FRMD3: variants seen among roughly 807,000 people sequenced by gnomAD.
The protein encoded by FRMD3 is FERM domain-containing protein 3.
Under a neutral mutation model 70.2 loss-of-function variants are expected in FRMD3, and 33 were observed. The ratio of observed to expected loss-of-function variants is 0.47; its 90% CI spans 0.36 to 0.63. FRMD3 has a LOEUF of 0.63. FRMD3 is among the 20% of genes least tolerant of loss of function. The probability of loss-of-function intolerance (pLI) is 0.00; values close to 1 mark genes in which losing one functional copy is unlikely to be tolerated. For missense variants in FRMD3, 632 were observed against 711.4 expected (o/e 0.89, Z 1.27); for synonymous variants, 279 against 255.9 (o/e 1.09, Z -0.86).
At chr9:83,511,119 G>T (rs115253352) in intron 1 of FRMD3, among the ~76,000 whole-genome samples, 2,061 of 152,316 alleles carry the variant, frequency 0.014, 55 homozygotes, top group African/African-American at 0.047. Flanking sequence ...TGATCTCTTT[G>T]AGAAGTTTTT....
intron 13 of FRMD3, among the ~76,000 whole-genome samples, chr9:83,273,797 A>G (rs1833700239): frequency 6.6e-6 from 1 of 152,168 alleles, no homozygotes. Context: ...GAACAAAAAT[A>G]CAAAAAAGTC....
At chr9:83,353,178 A>C (rs1824219655) in intron 3 of FRMD3, among the ~76,000 whole-genome samples, 1 of 151,724 alleles carries the variant, frequency 6.6e-6, no homozygotes, top group African/African-American at 2.4e-5. Context: ...AAGTTGGAAG[A>C]ACCACTCAGT....
intron 12 of FRMD3, among the ~76,000 whole-genome samples, chr9:83,293,200 G>A (rs756673431): frequency 6.6e-6 from 1 of 151,522 alleles, no homozygotes; most frequent in Non-Finnish European, 1.5e-5. Context: ...GGAAGGGAGG[G>A]ATAAAAATTC....
chr9:83,370,575 G>C (rs1178265954), intron 3 of FRMD3, among the ~76,000 whole-genome samples: 2 of 152,116 alleles, frequency 1.3e-5, no homozygotes, highest in African/African-American at 4.8e-5. Flanking sequence ...ATTAAGACTG[G>C]CCAGTAGTCA....
At chr9:83,319,135 A>G (rs1464074887) in intron 6 of FRMD3, among the ~76,000 whole-genome samples, 4 of 152,004 alleles carry the variant, frequency 2.6e-5, no homozygotes, top group Non-Finnish European at 2.9e-5. Context: ...GCTGTGCAGA[A>G]GCTTTTTAGT....
At chr9:83,545,600 G>A in the FRMD3 span, among the ~76,000 whole-genome samples, 1 of 151,790 alleles carries the variant, frequency 6.6e-6, no homozygotes, top group Admixed American at 6.6e-5. Flanking sequence ...CTCGTGATCT[G>A]CCCCCCTCGG....
chr9:83,488,888 TA>T (rs769268510), intron 1 of FRMD3, among the ~76,000 whole-genome samples: 1 of 152,040 alleles, frequency 6.6e-6, no homozygotes, highest in Non-Finnish European at 1.5e-5. Context: ...ATAAATTAAG[TA>T]GGCTACCAGA....
intron 1 of FRMD3, among the ~76,000 whole-genome samples, chr9:83,442,350 T>C (rs1348737706): frequency 6.7e-6 from 1 of 148,872 alleles, no homozygotes; most frequent in Non-Finnish European, 1.5e-5. Context: ...CTCCACCTCC[T>C]GGGTTCAAGC....
intron 1 of FRMD3, among the ~76,000 whole-genome samples, chr9:83,521,083 G>A (rs1829561894): frequency 6.8e-6 from 1 of 147,970 alleles, no homozygotes; most frequent in Non-Finnish European, 1.5e-5. Flanking sequence ...AGGTTGCAGT[G>A]AGCCGAGATC....
chr9:83,330,135 C>T (rs7874562), intron 6 of FRMD3, among the ~76,000 whole-genome samples: 1,861 of 152,082 alleles, frequency 0.012, 50 homozygotes, highest in African/African-American at 0.042. Context: ...GAGGCAGAGG[C>T]GGGTGGATCA....
chr9:83,581,106 TAAATAAATA>T, the FRMD3 span, among the ~76,000 whole-genome samples: 1,825 of 10,784 alleles, frequency 0.17, 29 homozygotes, highest in East Asian at 0.29. Flanking sequence ...GATGAAATGT[TAAATAAATA>T]AAATAAATTT....
At chr9:83,516,442 T>A (rs7023693) in intron 1 of FRMD3, among the ~76,000 whole-genome samples, 1 of 151,980 alleles carries the variant, frequency 6.6e-6, no homozygotes, top group African/African-American at 2.4e-5. Context: ...TATATATGCA[T>A]CCAATACAGG....
chr9:83,571,944 GCA>G, the FRMD3 span, among the ~76,000 whole-genome samples: 12 of 152,204 alleles, frequency 7.9e-5, no homozygotes, highest in Non-Finnish European at 1.5e-4. Flanking sequence ...GCTTGTTAAA[GCA>G]CAGATTGCTG....
At chr9:83,342,241 A>G (rs1823784890) in intron 5 of FRMD3, among the ~76,000 whole-genome samples, 1 of 152,162 alleles carries the variant, frequency 6.6e-6, no homozygotes, top group African/African-American at 2.4e-5. Context: ...ATGGTGCCTC[A>G]GGCCCTGGAG....
chr9:83,498,353 T>A (rs1324373889), intron 1 of FRMD3, among the ~76,000 whole-genome samples: 1 of 152,064 alleles, frequency 6.6e-6, no homozygotes, highest in African/African-American at 2.4e-5. Context: ...GAAAATCAAA[T>A]CAAGAAACAT....
chr9:83,487,858 A>G (rs1325510881), intron 1 of FRMD3, among the ~76,000 whole-genome samples: 1 of 152,242 alleles, frequency 6.6e-6, no homozygotes, highest in African/African-American at 2.4e-5. Flanking sequence ...CAAGGATCCA[A>G]CAACCCAAAA....
At chr9:83,551,820 A>G in the FRMD3 span, among the ~76,000 whole-genome samples, 4 of 151,918 alleles carry the variant, frequency 2.6e-5, no homozygotes, top group East Asian at 1.9e-4. Context: ...CAGTAGTAAC[A>G]GTCCCTTTGT....
At chr9:83,356,897 C>T (rs370971662) in intron 3 of FRMD3, among the ~76,000 whole-genome samples, 51 of 151,778 alleles carry the variant, frequency 3.4e-4, no homozygotes, top group South Asian at 8.3e-4. Context: ...CCACCCCCAA[C>T]CCTTTGTCCC....
intron 3 of FRMD3, among the ~76,000 whole-genome samples, chr9:83,358,634 T>C (rs1218931160): frequency 2.0e-5 from 3 of 152,020 alleles, no homozygotes; most frequent in African/African-American, 7.2e-5. Context: ...GTTTCCCTTG[T>C]AGAGGTCTTT....
Sources: gnomAD v4.1 joint callset for allele counts (sites outside exome capture counted in the v4.1 genomes callset) on GRCh38, gnomAD v4.1.1 for gene constraint, MANE v1.5 for transcripts, NCBI Gene and HGNC (gene_info 2026-07-23, HGNC 2026-07-21) for gene names.